The following NBEA variants were observed in gnomAD, a reference collection of about 807,000 sequenced individuals.
NBEA encodes the protein neurobeachin.
In NBEA, 44 loss-of-function variants were observed where a neutral mutation model predicts 343.4. That is an observed-to-expected ratio of 0.13 (90% confidence interval 0.10 to 0.16). The LOEUF is 0.16. Ranked by LOEUF, NBEA falls within the 10% of genes least tolerant of loss-of-function variation. NBEA has a pLI of 1.00. For missense variants in NBEA, 2,555 were observed against 3,631.3 expected (o/e 0.70, Z 7.62); for synonymous variants, 1,175 against 1,238.7 (o/e 0.95, Z 1.08).
chr13:35,522,766 G>A (rs2077780934), intron 41 of NBEA, among the ~76,000 whole-genome samples: 1 of 152,066 alleles, frequency 6.6e-6, no homozygotes, highest in African/African-American at 2.4e-5. Flanking sequence ...TGCATTGGAG[G>A]GATCTAGGGT....
chr13:35,441,922 G>A (rs1231728314), intron 39 of NBEA, among the ~76,000 whole-genome samples: 2 of 151,162 alleles, frequency 1.3e-5, no homozygotes, highest in African/African-American at 4.9e-5. Flanking sequence ...AAGTTGTCCA[G>A]TTAATCTTTT....
Position 35,182,405 on chromosome 13 carries a change from T to C in NBEA, c.4708T>C (p.Phe1570Leu). The change falls in exon 29 of 59, where the codon TTC (phenylalanine) becomes CTC (leucine). Residue 1570 changes from phenylalanine to leucine, a missense_variant. By Grantham distance (22) the Phe-to-Leu change is conservative. Transcript: ENST00000379939. ...GTTCTTAGCTCTGGCTGTTGTTTAC[T>C]TCATTTCGGTTCTGATGGTTTCCAA... ...AQFLALAVVY[F>L]ISVLMVSKYR... 6.2e-7 allele frequency: 1 copy of C among 1,610,872 alleles called. No individual in the cohort carries two copies.
intron 36 of NBEA, among the ~76,000 whole-genome samples, chr13:35,321,225 G>A (rs2038117237): frequency 6.6e-6 from 1 of 152,112 alleles, no homozygotes; most frequent in Admixed American, 6.5e-5. Flanking sequence ...CATCTTCGTG[G>A]ATTTATCTAC....
At chr13:35,269,655 A>G (rs1220087346) in intron 34 of NBEA, among the ~76,000 whole-genome samples, 3 of 152,200 alleles carry the variant, frequency 2.0e-5, no homozygotes, top group Non-Finnish European at 2.9e-5. Context: ...TAAACAGACC[A>G]TTCGTTGGAG....
chr13:35,548,580 T>C (rs892020191), intron 41 of NBEA, among the ~76,000 whole-genome samples: 1 of 152,154 alleles, frequency 6.6e-6, no homozygotes, highest in Non-Finnish European at 1.5e-5. Context: ...TATATTCACT[T>C]TACTGTTTGG....
chr13:35,469,099 C>CAAA (rs34222156), intron 40 of NBEA, among the ~76,000 whole-genome samples: 4,221 of 83,456 alleles, frequency 0.051, 306 homozygotes, highest in African/African-American at 0.095. Flanking sequence ...GACTCTATCT[C>CAAA]AAAAAAAAAA....
intron 10 of NBEA, among the ~76,000 whole-genome samples, 184 bp from the exon 11 acceptor site, chr13:35,098,113 G>C (rs1384249163): frequency 6.6e-6 from 1 of 152,128 alleles, no homozygotes; most frequent in Non-Finnish European, 1.5e-5. Context: ...AAGGACAACA[G>C]TAGTTTTCTC....
In NBEA at chr13:35,083,311, C is replaced by G. The variant is rs113618708; in HGVS notation, c.1571+12459C>G. Among the ~76,000 whole-genome samples the G allele has an allele frequency of 6.6e-3, 996 of 151,118 alleles. 11 individuals carry two copies. The highest frequency in any genetic ancestry group is 0.023 in the African/African-American group (953 of 41,352). On this transcript the variant is annotated intron_variant, in intron 10 of 58. Transcript: ENST00000379939. The stretch of plus-strand genomic sequence containing the variant: ...TTGGTACCAGTACCATGCTGTTTTG[C>G]TTACTGTAGCCTTGTAGTATAGTTT...
chr13:35,042,028 A>G (rs2062670559), intron 2 of NBEA, among the ~76,000 whole-genome samples: 1 of 151,984 alleles, frequency 6.6e-6, no homozygotes, highest in Admixed American at 6.6e-5. Flanking sequence ...AGTAGTTCAG[A>G]TACCAGAGAA....
chr13:35,383,192 C>G (rs777686924), intron 38 of NBEA, among the ~76,000 whole-genome samples: 1 of 152,112 alleles, frequency 6.6e-6, no homozygotes, highest in Non-Finnish European at 1.5e-5. Flanking sequence ...TCTAGAAAGA[C>G]TCCGAATTTG....
intron 41 of NBEA, among the ~76,000 whole-genome samples, chr13:35,516,385 C>G (rs1594857623): frequency 1.3e-5 from 2 of 152,060 alleles, no homozygotes; most frequent in Non-Finnish European, 2.9e-5. Context: ...TATATACCAT[C>G]TAGTAATGCT....
chr13:35,365,819 T>C (rs1191374539), intron 38 of NBEA, among the ~76,000 whole-genome samples: 1 of 151,662 alleles, frequency 6.6e-6, no homozygotes, highest in Non-Finnish European at 1.5e-5. Context: ...TATAACAACA[T>C]ATATTTTTGT....
intron 41 of NBEA, among the ~76,000 whole-genome samples, chr13:35,518,680 A>G (rs1205726921): frequency 1.3e-5 from 2 of 152,336 alleles, no homozygotes; most frequent in South Asian, 2.1e-4. Flanking sequence ...GAAGGAAAAT[A>G]TCTTTCTACT....
intron 58 of NBEA, among the ~76,000 whole-genome samples, chr13:35,669,209 C>T (rs2085493303): frequency 6.6e-6 from 1 of 152,034 alleles, no homozygotes; most frequent in South Asian, 2.1e-4. Context: ...GGGTTTCTTA[C>T]AAAGTGAAAA....
At chr13:35,198,024 A>T (rs1398583312) in intron 31 of NBEA, among the ~76,000 whole-genome samples, 2 of 152,200 alleles carry the variant, frequency 1.3e-5, no homozygotes, top group East Asian at 3.9e-4. Context: ...GTGTGGTGTC[A>T]GAAGTTTTAA....
intron 17 of NBEA, among the ~76,000 whole-genome samples, chr13:35,139,141 A>G (rs754854373): frequency 6.9e-6 from 1 of 144,288 alleles, no homozygotes; most frequent in African/African-American, 2.6e-5. Flanking sequence ...GCTCACTGCA[A>G]CCTCCGCCTC....
intron 40 of NBEA, among the ~76,000 whole-genome samples, chr13:35,459,018 C>CCCCA (rs1491182889): frequency 3.3e-5 from 3 of 90,186 alleles, no homozygotes; most frequent in Non-Finnish European, 6.2e-5. Context: ...CCCCCCCCCC[C>CCCCA]ACACACACAC....
intron 17 of NBEA, among the ~76,000 whole-genome samples, chr13:35,128,709 G>A (rs568239383): frequency 3.7e-4 from 56 of 152,202 alleles, no homozygotes; most frequent in African/African-American, 1.2e-3. Flanking sequence ...CTCATCTAAA[G>A]GGGCCTACTA....
intron 31 of NBEA, among the ~76,000 whole-genome samples, chr13:35,201,571 T>C (rs1395542369): frequency 6.6e-6 from 1 of 152,038 alleles, no homozygotes; most frequent in Non-Finnish European, 1.5e-5. Flanking sequence ...ATCTGGAAAT[T>C]AGGGGAACTG....
Sources: allele counts gnomAD v4.1 joint callset (sites outside exome capture counted in the v4.1 genomes callset), GRCh38; gene constraint gnomAD v4.1.1; transcripts MANE v1.5; gene names NCBI Gene and HGNC (gene_info 2026-07-23, HGNC 2026-07-21).